CTNNA2: variants seen among roughly 807,000 people sequenced by gnomAD.
CTNNA2 encodes catenin alpha-2.
In CTNNA2, 42 loss-of-function variants were observed where a neutral mutation model predicts 101.0. The observed-to-expected ratio is 0.42, with a 90% CI of 0.32 to 0.54. The LOEUF (loss-of-function observed/expected upper bound fraction) is 0.54, where lower values mean the gene tolerates loss of function less well. Ranked by LOEUF, CTNNA2 falls within the 20% of genes least tolerant of loss-of-function variation. The pLI, the probability that CTNNA2 is intolerant of heterozygous loss-of-function variation, is 0.14. For synonymous variants in CTNNA2, 450 were observed against 456.4 expected, an observed-to-expected ratio of 0.99 and a Z score of 0.18; for missense variants, 871 against 1,223.1, an observed-to-expected ratio of 0.71 and a Z score of 4.29.
chr2:80,559,776 A>G (rs988087110), intron 12 of CTNNA2, among the ~76,000 whole-genome samples: 1 of 152,042 alleles, frequency 6.6e-6, no homozygotes, highest in Non-Finnish European at 1.5e-5. Flanking sequence ...GCTTAGTAGT[A>G]AGTACACGCT....
At chr2:79,423,113 A>G (rs1376621) in intron 4 of CTNNA2, among the ~76,000 whole-genome samples, 90,857 of 152,020 alleles carry the variant, frequency 0.6, 27,353 homozygotes, top group Middle Eastern at 0.7. Flanking sequence ...CAGGCCTAAT[A>G]AGACTTATAG....
chr2:80,589,757 G>A (rs905382113), intron 15 of CTNNA2, among the ~76,000 whole-genome samples: 6 of 152,050 alleles, frequency 3.9e-5, no homozygotes, highest in Non-Finnish European at 5.9e-5. Flanking sequence ...CCCGAGGGAC[G>A]GGTGACTCAT....
At chr2:80,322,663 TC>T (rs748001955) in intron 7 of CTNNA2, among the ~76,000 whole-genome samples, 23 of 151,958 alleles carry the variant, frequency 1.5e-4, no homozygotes, top group Non-Finnish European at 8.8e-5. Flanking sequence ...GTCAGGACGA[TC>T]GGAAACGCGT....
intron 18 of CTNNA2, among the ~76,000 whole-genome samples, chr2:80,626,339 C>T (rs1481520018): frequency 6.6e-6 from 1 of 152,044 alleles, no homozygotes; most frequent in Non-Finnish European, 1.5e-5. Context: ...ATCTTTTGGT[C>T]TAAGATGACT....
intron 2 of CTNNA2, among the ~76,000 whole-genome samples, chr2:79,298,708 T>G (rs956336080): frequency 6.6e-6 from 1 of 152,208 alleles, no homozygotes; most frequent in Non-Finnish European, 1.5e-5. Context: ...TCCCCAAATC[T>G]TATCCCCAAG....
chr2:79,477,187 T>G (rs1671059719), intron 4 of CTNNA2, among the ~76,000 whole-genome samples: 1 of 149,540 alleles, frequency 6.7e-6, no homozygotes, highest in Non-Finnish European at 1.5e-5. Flanking sequence ...TTTTTTGTTT[T>G]TGAGACCAAG....
At chr2:79,194,882 C>T (rs1291107662) in intron 1 of CTNNA2, among the ~76,000 whole-genome samples, 1 of 152,094 alleles carries the variant, frequency 6.6e-6, no homozygotes, top group Admixed American at 6.5e-5. Flanking sequence ...TTTTTTCTTT[C>T]ACTGTTTCTC....
intron 1 of CTNNA2, among the ~76,000 whole-genome samples, chr2:79,531,710 C>G (rs1672755189): frequency 6.7e-6 from 1 of 149,822 alleles, no homozygotes; most frequent in East Asian, 2.0e-4. Flanking sequence ...GAGACAGAGT[C>G]TCACTCTGTT....
chr2:79,869,938 G>A lies in CTNNA2; in HGVS notation c.585+3G>A. ...ATGTAGCAGCAAGAAGACAACAGGTGGGAAAGATTTTAGAAATGCTAGGGG... is the reference window on the plus strand; with the variant it reads ...ATGTAGCAGCAAGAAGACAACAGGTAGGAAAGATTTTAGAAATGCTAGGGG... On this transcript the variant is annotated splice_donor_region_variant and intron_variant, in intron 5 of 18. Transcript: ENST00000402739. 1 of 1,612,922 alleles carries A rather than the reference G, an allele frequency of 6.2e-7. No homozygotes were observed. The highest frequency in any genetic ancestry group is 2.2e-5 in the East Asian group (1 of 44,846).
At chr2:80,150,739 A>G (rs1413847454) in intron 7 of CTNNA2, among the ~76,000 whole-genome samples, 4 of 152,202 alleles carry the variant, frequency 2.6e-5, no homozygotes, top group Non-Finnish European at 5.9e-5. Flanking sequence ...TTACAGAAGT[A>G]TGCAATGCTA....
chr2:79,330,894 G>A (rs745488342), intron 3 of CTNNA2, among the ~76,000 whole-genome samples: 1 of 152,102 alleles, frequency 6.6e-6, no homozygotes, highest in African/African-American at 2.4e-5. Flanking sequence ...TATTAACATT[G>A]TGAGAACAGA....
chr2:79,344,246 T>C (rs372168411), intron 3 of CTNNA2, among the ~76,000 whole-genome samples: 4 of 152,334 alleles, frequency 2.6e-5, no homozygotes, highest in African/African-American at 9.6e-5. Flanking sequence ...GGCATTATCA[T>C]CAGAAAGCCA....
chr2:79,928,142 A>G (rs766474021), intron 7 of CTNNA2, among the ~76,000 whole-genome samples: 2 of 152,168 alleles, frequency 1.3e-5, no homozygotes, highest in Non-Finnish European at 2.9e-5. Flanking sequence ...GATTGTGAGC[A>G]TTAAATTTCA....
intron 15 of CTNNA2, among the ~76,000 whole-genome samples, chr2:80,599,854 A>G (rs2149763588): frequency 6.6e-6 from 1 of 151,964 alleles, no homozygotes; most frequent in East Asian, 1.9e-4. Context: ...TACATGTGCC[A>G]TGCTGGTGTG....
chr2:79,898,897 A>G (rs1684889409), intron 6 of CTNNA2, among the ~76,000 whole-genome samples: 1 of 152,068 alleles, frequency 6.6e-6, no homozygotes, highest in Non-Finnish European at 1.5e-5. Flanking sequence ...CCTCTAAGAA[A>G]GAGTTGTTGA....
At chr2:79,962,940 G>A (rs546880920) in intron 7 of CTNNA2, among the ~76,000 whole-genome samples, 140 of 151,374 alleles carry the variant, frequency 9.2e-4, no homozygotes, top group African/African-American at 3.2e-3. Flanking sequence ...GCGTAGTGGC[G>A]GGCGCCTGTA....
At chr2:79,300,111 A>C (rs2104389557) in intron 2 of CTNNA2, among the ~76,000 whole-genome samples, 1 of 152,318 alleles carries the variant, frequency 6.6e-6, no homozygotes, top group East Asian at 1.9e-4. Flanking sequence ...AATATCATAC[A>C]GATTCATACA....
At chr2:80,190,492 C>T (rs1200651701) in intron 7 of CTNNA2, among the ~76,000 whole-genome samples, 1 of 152,106 alleles carries the variant, frequency 6.6e-6, no homozygotes, top group Non-Finnish European at 1.5e-5. Context: ...TCTGTATGGC[C>T]CATGTTCCAC....
At chr2:79,683,262 C>T (rs761299795) in intron 2 of CTNNA2, among the ~76,000 whole-genome samples, 1 of 152,178 alleles carries the variant, frequency 6.6e-6, no homozygotes, top group African/African-American at 2.4e-5. Flanking sequence ...ATTAGATCCA[C>T]TCATCTCCTT....
Sources: gnomAD v4.1 joint callset for allele counts (sites outside exome capture counted in the v4.1 genomes callset) on GRCh38, gnomAD v4.1.1 for gene constraint, MANE v1.5 for transcripts, NCBI Gene and HGNC (gene_info 2026-07-23, HGNC 2026-07-21) for gene names.